The following ANXA10 variants were observed in gnomAD, a reference collection of about 807,000 sequenced individuals.
ANXA10 encodes annexin 14.
In ANXA10, 49 loss-of-function variants were observed where a neutral mutation model predicts 53.5. That is an observed-to-expected ratio of 0.92 (90% CI 0.73 to 1.16). The LOEUF (loss-of-function observed/expected upper bound fraction) is 1.16, where lower values mean the gene tolerates loss of function less well. Among genes scored for constraint, ANXA10 ranks in the 50% most tolerant of loss-of-function variants. ANXA10 has a pLI of 0.00. For missense variants in ANXA10, 393 were observed against 394.4 expected (o/e 1.00, Z 0.03); for synonymous variants, 131 against 128.9 (o/e 1.02, Z -0.11).
chr4:168,158,501 A>G (rs1731727072), intron 3 of ANXA10, among the ~76,000 whole-genome samples: 1 of 152,164 alleles, frequency 6.6e-6, no homozygotes, highest in South Asian at 2.1e-4. Flanking sequence ...TGTCTACACC[A>G]AGTGGCAAAG....
chr4:168,139,601 C>G, intron 3 of ANXA10, 21 bp downstream of exon 3: 5 of 1,587,488 alleles, frequency 3.1e-6, no homozygotes, highest in Non-Finnish European at 2.6e-6. Context: ...TTTATCTTGA[C>G]CTATTTCTAG....
chr4:168,118,151 A>G (rs1382506358), intron 1 of ANXA10, among the ~76,000 whole-genome samples: 3 of 151,980 alleles, frequency 2.0e-5, no homozygotes, highest in African/African-American at 7.3e-5. Context: ...TGACGTAACT[A>G]GAGGACCTTC....
At chr4:168,167,975 A>C (rs1479622013) in intron 6 of ANXA10, among the ~76,000 whole-genome samples, 1 of 152,094 alleles carries the variant, frequency 6.6e-6, no homozygotes, top group Non-Finnish European at 1.5e-5. Flanking sequence ...CAAGGCACCA[A>C]ATTTCTAAAC....
intron 2 of ANXA10, among the ~76,000 whole-genome samples, chr4:168,132,169 C>A (rs1731165982): frequency 6.6e-6 from 1 of 152,106 alleles, no homozygotes; most frequent in Non-Finnish European, 1.5e-5. Flanking sequence ...AAAGACACAT[C>A]TGCATTCTTG....
intron 2 of ANXA10, among the ~76,000 whole-genome samples, chr4:168,138,265 A>G (rs895020314): frequency 6.6e-6 from 1 of 151,902 alleles, no homozygotes; most frequent in Non-Finnish European, 1.5e-5. Context: ...CTGGCCATTA[A>G]CTTTTTAATA....
At chr4:168,134,027 A>C (rs926655503) in intron 2 of ANXA10, among the ~76,000 whole-genome samples, 1 of 152,088 alleles carries the variant, frequency 6.6e-6, no homozygotes, top group African/African-American at 2.4e-5. Context: ...GTTTAATAAA[A>C]AGTTACTTAA....
At chr4:168,141,900 G>GCCC (rs1231445394) in intron 3 of ANXA10, among the ~76,000 whole-genome samples, 1 of 152,054 alleles carries the variant, frequency 6.6e-6, no homozygotes, top group Non-Finnish European at 1.5e-5. Context: ...GGTTTGTGGG[G>GCCC]CCCTCCCTTA....
At chr4:168,142,901 A>G (rs1038423379) in intron 3 of ANXA10, among the ~76,000 whole-genome samples, 2 of 152,124 alleles carry the variant, frequency 1.3e-5, no homozygotes, top group African/African-American at 2.4e-5. Flanking sequence ...CATCTTGCCA[A>G]TAACACTGTA....
intron 9 of ANXA10, among the ~76,000 whole-genome samples, chr4:168,180,131 T>G (rs1732213097): frequency 6.6e-6 from 1 of 152,154 alleles, no homozygotes. Context: ...GCTTATCTAG[T>G]AAAGAAGTCT....
chr4:168,166,869 C>G (rs1212141291), intron 6 of ANXA10, among the ~76,000 whole-genome samples: 2 of 151,916 alleles, frequency 1.3e-5, no homozygotes, highest in Non-Finnish European at 2.9e-5. Flanking sequence ...ACATGAAAGC[C>G]TTTTTAGTGG....
chr4:168,142,450 C>A (rs1439022573), intron 3 of ANXA10, among the ~76,000 whole-genome samples: 2 of 152,172 alleles, frequency 1.3e-5, no homozygotes, highest in Non-Finnish European at 2.9e-5. Context: ...GATTTCAATA[C>A]CACAGGCTGG....
rs911819190 is a variant in ANXA10, at chr4:168,113,022, G to GA, written c.19-15052dup. 8.3e-3 allele frequency among the ~76,000 whole-genome samples: 1,213 copies of GA among 145,276 alleles called. 9 individuals carry two copies. Among genetic ancestry groups the GA allele is most frequent in the Non-Finnish European group, 0.011 (704 of 65,926 alleles). The stretch of plus-strand genomic sequence containing the variant: ...TGGGTGACAGAGGGAGACTCCATCG[G>GA]AAAAAAAAAAGAAAGAAAAAAAAGA... On this transcript the variant is annotated intron_variant, in intron 1 of 11. Transcript: ENST00000359299.
intron 11 of ANXA10, among the ~76,000 whole-genome samples, chr4:168,186,236 A>G (rs569938627): frequency 1.3e-5 from 2 of 152,248 alleles, no homozygotes; most frequent in Admixed American, 1.3e-4. Flanking sequence ...GAAACATTTT[A>G]TAATATTTAT....
At chr4:168,172,610 T>A (rs573746271) in intron 6 of ANXA10, among the ~76,000 whole-genome samples, 1 of 152,160 alleles carries the variant, frequency 6.6e-6, no homozygotes, top group African/African-American at 2.4e-5. Context: ...ACAGAAGAGA[T>A]AAAGATCCCA....
rs774073999 is a variant in ANXA10 at position 168,184,568 on chromosome 4, T to C, written c.793T>C (p.Phe265Leu). 1 of 1,613,916 alleles carries C rather than the reference T, an allele frequency of 6.2e-7. No individual in the cohort carries two copies. Among genetic ancestry groups the C allele is most frequent in the Non-Finnish European group, 8.5e-7 (1 of 1,179,898 alleles). Reference protein sequence around the residue: ...RLYSAIHDFGFHNKTVIRILI... With the variant: ...RLYSAIHDFGLHNKTVIRILI... Reference sequence around the variant, plus strand: ...TTTCTGTATCTTTTAGGACTTTGGTTTCCATAATAAAACTGTAATCAGGAT... The same window carrying C: ...TTTCTGTATCTTTTAGGACTTTGGTCTCCATAATAAAACTGTAATCAGGAT... Residue 265 changes from phenylalanine (F) to leucine (L), a missense_variant, in exon 11 of 12, where the codon TTC becomes CTC. Coordinates refer to ENST00000359299, the MANE Select transcript of ANXA10 (RefSeq NM_007193.5).
At chr4:168,133,330 T>G (rs1013670601) in intron 2 of ANXA10, among the ~76,000 whole-genome samples, 1 of 151,998 alleles carries the variant, frequency 6.6e-6, no homozygotes, top group Non-Finnish European at 1.5e-5. Context: ...TAATAGAAAA[T>G]GTATTGATCT....
At chr4:168,160,661 A>G (rs1731766829) in intron 3 of ANXA10, among the ~76,000 whole-genome samples, 1 of 152,098 alleles carries the variant, frequency 6.6e-6, no homozygotes, top group African/African-American at 2.4e-5. Context: ...CAACGGTTGA[A>G]CTGATTTACA....
intron 3 of ANXA10, among the ~76,000 whole-genome samples, chr4:168,149,503 T>G (rs1447186083): frequency 6.6e-6 from 1 of 152,242 alleles, no homozygotes; most frequent in Non-Finnish European, 1.5e-5. Flanking sequence ...ATTAATGATC[T>G]CAAATTCATG....
intron 1 of ANXA10, among the ~76,000 whole-genome samples, chr4:168,110,157 G>C (rs1730781416): frequency 6.6e-6 from 1 of 152,160 alleles, no homozygotes; most frequent in South Asian, 2.1e-4. Context: ...CTTGCAGTGA[G>C]CCGGGATAGT....
Sources: allele counts gnomAD v4.1 joint callset (sites outside exome capture counted in the v4.1 genomes callset), GRCh38; gene constraint gnomAD v4.1.1; transcripts MANE v1.5; gene names NCBI Gene and HGNC (gene_info 2026-07-23, HGNC 2026-07-21).